Variants in KCNB2 observed in about 807,000 individuals in gnomAD.
KCNB2 encodes delayed rectifier potassium channel protein.
A neutral mutation model predicts 61.5 loss-of-function variants in KCNB2; 15 were observed. The ratio of observed to expected loss-of-function variants is 0.24; its 90% CI spans 0.16 to 0.38. The LOEUF is 0.38. Ranked by LOEUF, KCNB2 falls within the 10% of genes least tolerant of loss-of-function variation. The pLI is 1.00. For synonymous variants in KCNB2, 457 were observed against 446.0 expected, an observed-to-expected ratio of 1.02 and a Z score of -0.31; for missense variants, 828 against 1,125.2, an observed-to-expected ratio of 0.74 and a Z score of 3.78.
chr8:72,781,526 T>C (rs556315909), intron 2 of KCNB2, among the ~76,000 whole-genome samples: 2 of 152,306 alleles, frequency 1.3e-5, no homozygotes, highest in East Asian at 3.9e-4. Flanking sequence ...GTTGTGGGTG[T>C]GCAGTCTTAT....
intron 2 of KCNB2, chr8:72,750,358 A>G (rs939625470): frequency 1.3e-5 from 2 of 151,924 alleles, no homozygotes; most frequent in African/African-American, 4.8e-5. Flanking sequence ...TTTCTCTTAC[A>G]CCCAGGAATT....
chr8:72,703,438 C>T (rs565022810), intron 2 of KCNB2, among the ~76,000 whole-genome samples: 1 of 152,316 alleles, frequency 6.6e-6, no homozygotes, highest in African/African-American at 2.4e-5. Context: ...TCCAGCTGGT[C>T]TAGAGCTAGG....
intron 2 of KCNB2, among the ~76,000 whole-genome samples, chr8:72,596,600 T>C (rs1807194137): frequency 6.6e-6 from 1 of 152,208 alleles, no homozygotes; most frequent in African/African-American, 2.4e-5. Context: ...AGCTTCAGAA[T>C]TTTCAAGAAA....
rs146429023 is a variant in KCNB2, at chr8:72,896,384, CTA to C, written c.580-39549_580-39548del. On this transcript the variant is annotated intron_variant, in intron 2 of 2. Transcript: ENST00000523207. ...ACCTTTCACCTTTGTTTCCACATGG[CTA>C]TGAGCACAGTATCTTTCATAAGGCC... 9.2e-5 allele frequency among the ~76,000 whole-genome samples: 14 copies of C among 152,192 alleles called. No individual in the cohort carries two copies. The East Asian group carries it at 2.7e-3, about 29-fold the overall frequency.
At chr8:72,903,700 A>G (rs1225177991) in intron 2 of KCNB2, among the ~76,000 whole-genome samples, 1 of 152,196 alleles carries the variant, frequency 6.6e-6, no homozygotes, top group Non-Finnish European at 1.5e-5. Context: ...TCTAAATCCA[A>G]TGTCATCTAC....
At chr8:72,748,617 T>G (rs557301635) in intron 2 of KCNB2, among the ~76,000 whole-genome samples, 204 of 150,974 alleles carry the variant, frequency 1.4e-3, no homozygotes, top group African/African-American at 4.4e-3. Flanking sequence ...TTGTTGTTTT[T>G]TTTTTTTTGA....
intron 2 of KCNB2, among the ~76,000 whole-genome samples, chr8:72,846,433 C>T (rs1157016103): frequency 6.6e-6 from 1 of 152,152 alleles, no homozygotes; most frequent in Non-Finnish European, 1.5e-5. Flanking sequence ...AACTAAAGAG[C>T]TTCTGCACAG....
intron 2 of KCNB2, among the ~76,000 whole-genome samples, chr8:72,758,783 A>G (rs1808333801): frequency 6.6e-6 from 1 of 151,960 alleles, no homozygotes; most frequent in South Asian, 2.1e-4. Context: ...GTCATTGAAA[A>G]CTCAGGGCCC....
Position 72,783,455 on chromosome 8 carries a change from T to A in KCNB2, c.580-152480T>A, listed in dbSNP as rs922896561. ...AGGCCCTTGAGTATGCAGGTTTCTC[T>A]TATCTCAAAGCCTTTGCAATTGCCG... On this transcript the variant is annotated intron_variant, in intron 2 of 2. Transcript: ENST00000523207. 3.3e-5 allele frequency among the ~76,000 whole-genome samples: 5 copies of A among 152,276 alleles called. 1 individual carries two copies.
intron 2 of KCNB2, among the ~76,000 whole-genome samples, chr8:72,727,508 G>A (rs896263997): frequency 1.3e-5 from 2 of 152,152 alleles, no homozygotes; most frequent in African/African-American, 4.8e-5. Context: ...CAAAAGCCAA[G>A]TAGAGCTACC....
intron 2 of KCNB2, among the ~76,000 whole-genome samples, chr8:72,596,615 A>C (rs1042947278): frequency 6.6e-6 from 1 of 152,228 alleles, no homozygotes; most frequent in African/African-American, 2.4e-5. Flanking sequence ...AAGAAATTGC[A>C]TTCTATTTAT....
At chr8:72,822,582 T>C (rs967335277) in intron 2 of KCNB2, among the ~76,000 whole-genome samples, 2 of 152,226 alleles carry the variant, frequency 1.3e-5, no homozygotes, top group Admixed American at 1.3e-4. Flanking sequence ...ATTCTCTTTC[T>C]GCTTACCTCT....
rs370109644 is a variant in KCNB2 at position 72,936,944 on chromosome 8, C to T, written c.1589C>T (p.Ser530Phe). 107 of 1,614,172 alleles carry T rather than the reference C, an allele frequency of 6.6e-5. No individual in the cohort carries two copies. The highest frequency in any genetic ancestry group is 9.0e-5 in the Non-Finnish European group (106 of 1,180,026). Residue 530 changes from serine to phenylalanine, a missense_variant, in exon 3 of 3, where the codon TCC becomes TTC. Physicochemically the swap from Ser to Phe is radical, Grantham distance 155. Coordinates refer to ENST00000523207, the MANE Select transcript of KCNB2 (RefSeq NM_004770.3). This position sits in a 1 kb window ranked among gnomAD's most constrained non-coding sequence, Gnocchi z 5.6. ...SHEQLNNTSS[S>F]SPQHLSAQKL... The stretch of plus-strand genomic sequence containing the variant: ...GAGCAGCTGAACAACACGTCTTCCT[C>T]CAGCCCACAGCATCTGAGTGCCCAG...
intron 2 of KCNB2, among the ~76,000 whole-genome samples, chr8:72,643,248 C>T (rs1264415605): frequency 1.3e-5 from 2 of 152,262 alleles, no homozygotes; most frequent in South Asian, 2.1e-4. Context: ...TGGCCATTAT[C>T]GAACTTCTCG....
intron 2 of KCNB2, among the ~76,000 whole-genome samples, chr8:72,830,588 T>A (rs1034240769): frequency 5.9e-5 from 9 of 152,218 alleles, no homozygotes; most frequent in African/African-American, 2.2e-4. Context: ...CCATAGTGCA[T>A]GGTAACATTC....
At chr8:72,928,910 G>A (rs1162863898) in intron 2 of KCNB2, among the ~76,000 whole-genome samples, 1 of 151,658 alleles carries the variant, frequency 6.6e-6, no homozygotes, top group East Asian at 1.9e-4. Context: ...GCATTAAATA[G>A]TTCTGGAATT....
At chr8:72,866,285 G>A (rs916099620) in intron 2 of KCNB2, among the ~76,000 whole-genome samples, 5 of 152,176 alleles carry the variant, frequency 3.3e-5, no homozygotes, top group African/African-American at 4.8e-5. Flanking sequence ...AATACTGAGA[G>A]CATTCTACTG....
intron 2 of KCNB2, among the ~76,000 whole-genome samples, chr8:72,778,960 C>CT (rs1447623453): frequency 6.6e-6 from 1 of 151,962 alleles, no homozygotes; most frequent in Non-Finnish European, 1.5e-5. Context: ...GCCAGTGCTA[C>CT]CTGCAGAGCA....
chr8:72,735,564 A>T (rs749593817), intron 2 of KCNB2, among the ~76,000 whole-genome samples: 48 of 152,170 alleles, frequency 3.2e-4, no homozygotes, highest in Non-Finnish European at 6.0e-4. Context: ...ATCGGCAAAA[A>T]TTCAGACACT....
Sources: gnomAD v4.1 joint callset for allele counts (sites outside exome capture counted in the v4.1 genomes callset) on GRCh38, gnomAD v4.1.1 for gene constraint, Gnocchi (gnomAD v3.1) non-coding constraint, MANE v1.5 for transcripts, NCBI Gene and HGNC (gene_info 2026-07-23, HGNC 2026-07-21) for gene names.